Variants in NCAM1 observed in about 807,000 individuals in gnomAD.
NCAM1 encodes the protein neural cell adhesion molecule 1.
A neutral mutation model predicts 109.8 loss-of-function variants in NCAM1; 14 were observed. The ratio of observed to expected loss-of-function variants is 0.13; its 90% confidence interval spans 0.08 to 0.20. The LOEUF is 0.20. NCAM1 is among the 10% of genes least tolerant of loss of function. The pLI is 1.00. For synonymous variants in NCAM1, 418 were observed against 442.9 expected (o/e 0.94, Z 0.70); for missense variants, 774 against 1,109.9 (o/e 0.70, Z 4.30).
At position 113,000,817 on chromosome 11, in the gene NCAM1, C is replaced by CATATATATATATATATAT. The variant is rs375984527; in HGVS notation, c.52+39167_52+39184dup. Reference sequence around the variant, plus strand: ...GAGGCAACCTATAGAATTATATATACATATATATATATATATATATATATA... The same window carrying CATATATATATATATATAT: ...GAGGCAACCTATAGAATTATATATACATATATATATATATATATATATATATATATATATATATATATA... On this transcript the variant is annotated intron_variant, in intron 1 of 19. Transcript: ENST00000316851. 8.7e-4 allele frequency among the ~76,000 whole-genome samples: 113 copies of CATATATATATATATATAT among 129,348 alleles called. 2 individuals are homozygous for CATATATATATATATATAT. Among genetic ancestry groups the CATATATATATATATATAT allele is most frequent in the African/African-American group, 2.0e-3 (62 of 31,648 alleles). 84.9% of individuals were successfully genotyped at this position (129,348 alleles called of 152,430 possible).
chr11:113,164,425 G>T (rs1397560209), intron 1 of NCAM1, among the ~76,000 whole-genome samples: 2 of 151,968 alleles, frequency 1.3e-5, no homozygotes, highest in East Asian at 3.9e-4. Flanking sequence ...CAGGCTAAAG[G>T]CTCAGTCCCA....
intron 1 of NCAM1, among the ~76,000 whole-genome samples, chr11:113,180,821 A>G (rs1943306700): frequency 6.6e-6 from 1 of 152,200 alleles, no homozygotes; most frequent in Non-Finnish European, 1.5e-5. Context: ...AACCTCTCTA[A>G]GCCTCCAGCT....
chr11:113,239,566 C>T (rs1169128337), intron 14 of NCAM1, among the ~76,000 whole-genome samples: 2 of 128,530 alleles, frequency 1.6e-5, no homozygotes, highest in Non-Finnish European at 3.1e-5. Flanking sequence ...AGTGCAGTGG[C>T]GGGATCTCGG....
chr11:113,193,350 TC>T (rs1438178974), intron 1 of NCAM1, among the ~76,000 whole-genome samples: 1 of 152,152 alleles, frequency 6.6e-6, no homozygotes, highest in African/African-American at 2.4e-5. Context: ...ATTAAGATGC[TC>T]CAGCGGGCTC....
intron 14 of NCAM1, chr11:113,242,716 G>A: frequency 9.0e-7 from 1 of 1,116,594 alleles, no homozygotes. Flanking sequence ...ACTCACCCAT[G>A]TATGTATACA....
chr11:113,044,472 G>C (rs1210512792), intron 1 of NCAM1, among the ~76,000 whole-genome samples: 4 of 151,986 alleles, frequency 2.6e-5, no homozygotes, highest in Admixed American at 2.6e-4. Flanking sequence ...ATCACTTGAG[G>C]TCAAGAGTTC....
chr11:113,088,648 A>G (rs1036237000), intron 1 of NCAM1, among the ~76,000 whole-genome samples: 3 of 152,202 alleles, frequency 2.0e-5, no homozygotes, highest in African/African-American at 7.2e-5. Context: ...TTATTTGGGC[A>G]GTGATATGAT....
At position 113,222,095 on chromosome 11, in the gene NCAM1, T is replaced by A. The variant is rs557215303; in HGVS notation, c.1089+770T>A. ...ATCATGACTATAATTTTTTACCCGA[T>A]TTATATGAAGTAACATATAGTGAAA... On this transcript the variant is annotated intron_variant, in intron 9 of 19. Transcript: ENST00000316851. Among the ~76,000 whole-genome samples, 9 of 152,354 alleles carry A rather than the reference T, an allele frequency of 5.9e-5. No homozygotes were observed. The East Asian group carries it at 1.7e-3, about 29-fold the overall frequency.
chr11:113,090,925 G>A (rs1939314584), intron 1 of NCAM1, among the ~76,000 whole-genome samples: 1 of 152,104 alleles, frequency 6.6e-6, no homozygotes, highest in Non-Finnish European at 1.5e-5. Context: ...ATTCTCTTGA[G>A]CTCACATCCT....
In NCAM1 at chr11:113,206,509, GC is replaced by G. The variant is rs1944243765; in HGVS notation, c.628+330del. On this transcript the variant is annotated intron_variant, in intron 5 of 19. Coordinates refer to ENST00000316851, the MANE Select transcript of NCAM1 (RefSeq NM_181351.5). ...GTTACCATAATTGTGAAGTTATTCC[GC>G]TGCTTAAATGTTCAAAGAAAGTATT... Among the ~76,000 whole-genome samples, 4 of 151,886 alleles carry G rather than the reference GC, an allele frequency of 2.6e-5. No homozygotes were observed. In the South Asian group the frequency reaches 8.3e-4, roughly 31 times the overall value.
intron 1 of NCAM1, among the ~76,000 whole-genome samples, chr11:113,106,880 C>G (rs1237309998): frequency 1.3e-5 from 2 of 152,186 alleles, no homozygotes; most frequent in African/African-American, 4.8e-5. Flanking sequence ...GCAGTCAGAA[C>G]AGAGGCAGTT....
chr11:113,055,816 G>T (rs562999371), intron 1 of NCAM1, among the ~76,000 whole-genome samples: 1 of 151,292 alleles, frequency 6.6e-6, no homozygotes, highest in African/African-American at 2.4e-5. Context: ...GAACTACCAC[G>T]TGACTCAGCA....
chr11:113,179,854 G>A (rs547738790), intron 1 of NCAM1, among the ~76,000 whole-genome samples: 1 of 152,316 alleles, frequency 6.6e-6, no homozygotes, highest in Non-Finnish European at 1.5e-5. Flanking sequence ...TTTTGTGACA[G>A]TATCTTTAAG....
chr11:113,141,831 A>G (rs781842648), intron 1 of NCAM1, among the ~76,000 whole-genome samples: 2 of 152,100 alleles, frequency 1.3e-5, no homozygotes, highest in Non-Finnish European at 2.9e-5. Flanking sequence ...TTTTTTTGTC[A>G]TCCATATTTT....
intron 5 of NCAM1, 86 bp from the exon 6 acceptor site, chr11:113,207,175 C>A: frequency 1.9e-6 from 2 of 1,037,872 alleles, no homozygotes; most frequent in Non-Finnish European, 2.9e-6. Flanking sequence ...GCTGAGAACT[C>A]CTGACCTGGA....
At chr11:113,205,905 C>A in intron 4 of NCAM1, 138 bp from the exon 5 acceptor site, 1 of 1,172,798 alleles carries the variant, frequency 8.5e-7, no homozygotes, top group Non-Finnish European at 1.2e-6. Context: ...ATTTCAAAGC[C>A]AGGGACGCAT....
At chr11:113,265,087 G>C (rs1190411116) in intron 17 of NCAM1, 2 of 985,276 alleles carry the variant, frequency 2.0e-6, no homozygotes, top group Non-Finnish European at 2.4e-6. Context: ...AGCAGGTTTG[G>C]ATCATGTTTT....
At chr11:113,023,536 T>C (rs1218255665) in intron 1 of NCAM1, among the ~76,000 whole-genome samples, 3 of 152,160 alleles carry the variant, frequency 2.0e-5, no homozygotes, top group Admixed American at 6.6e-5. Flanking sequence ...AGAAAACCTA[T>C]TGAAGGACTT....
At chr11:113,186,864 T>C (rs1467291764) in intron 1 of NCAM1, among the ~76,000 whole-genome samples, 1 of 152,230 alleles carries the variant, frequency 6.6e-6, no homozygotes, top group Non-Finnish European at 1.5e-5. Flanking sequence ...AGCTGGTGTT[T>C]CTGGAAGGCT....
Sources: gnomAD v4.1 joint callset for allele counts (sites outside exome capture counted in the v4.1 genomes callset) on GRCh38, gnomAD v4.1.1 for gene constraint, MANE v1.5 for transcripts, NCBI Gene and HGNC (gene_info 2026-07-23, HGNC 2026-07-21) for gene names.